GRIA2: variants seen among roughly 807,000 people sequenced by gnomAD.
GRIA2 encodes glutamate receptor 2.
In GRIA2, 14 loss-of-function variants were observed where a neutral mutation model predicts 97.3. That is an observed-to-expected ratio of 0.14 (90% CI 0.10 to 0.23). The LOEUF is 0.23. Ranked by LOEUF, GRIA2 falls within the 10% of genes least tolerant of loss-of-function variation. GRIA2 has a pLI of 1.00. For synonymous variants in GRIA2, 412 were observed against 387.8 expected (o/e 1.06, Z -0.73); for missense variants, 558 against 1,069.8 (o/e 0.52, Z 6.67).
intron 2 of GRIA2, among the ~76,000 whole-genome samples, chr4:157,271,245 C>T (rs980186975): frequency 4.0e-5 from 6 of 151,802 alleles, no homozygotes; most frequent in Admixed American, 6.6e-5. Flanking sequence ...AGGTAGGTGT[C>T]CTCCAATTTA....
At chr4:157,252,923 C>G (rs1053246113) in intron 2 of GRIA2, among the ~76,000 whole-genome samples, 1 of 151,720 alleles carries the variant, frequency 6.6e-6, no homozygotes, top group East Asian at 1.9e-4. Context: ...TTAAATCCAA[C>G]AAAGCAAAAT....
chr4:157,313,331 A>G (rs1403684486), intron 4 of GRIA2, among the ~76,000 whole-genome samples: 2 of 152,058 alleles, frequency 1.3e-5, no homozygotes, highest in Non-Finnish European at 2.9e-5. Flanking sequence ...TCTTTGCAAG[A>G]TATATTTTTT....
chr4:157,325,121 G>A (rs756074353), intron 6 of GRIA2, among the ~76,000 whole-genome samples: 13 of 152,060 alleles, frequency 8.5e-5, no homozygotes, highest in South Asian at 2.1e-4. Context: ...ATATCAAATC[G>A]TGGGAGTAAT....
chr4:157,276,351 C>T (rs1005551589), intron 2 of GRIA2, among the ~76,000 whole-genome samples: 1 of 151,934 alleles, frequency 6.6e-6, no homozygotes, highest in Non-Finnish European at 1.5e-5. Flanking sequence ...GAAAATGCAA[C>T]TAATCAAAAT....
intron 2 of GRIA2, among the ~76,000 whole-genome samples, chr4:157,275,740 G>A (rs1397366915): frequency 6.6e-6 from 1 of 151,960 alleles, no homozygotes; most frequent in Non-Finnish European, 1.5e-5. Flanking sequence ...CTCTCTTTTG[G>A]TACCAGTACC....
intron 12 of GRIA2, among the ~76,000 whole-genome samples, chr4:157,357,763 G>A (rs1736457575): frequency 6.6e-6 from 1 of 152,062 alleles, no homozygotes; most frequent in Non-Finnish European, 1.5e-5. Flanking sequence ...ATCAACAGCT[G>A]AGACGAAAGT....
rs1362832415 is a variant in GRIA2 at position 157,365,944 on chromosome 4, A to T, written c.*2513A>T. On this transcript the variant is annotated 3_prime_UTR_variant, in exon 16 of 16. Coordinates refer to ENST00000264426, the MANE Select transcript of GRIA2 (RefSeq NM_001083619.3). ...TATAACTTCTATTGAAGATATTGGA[A>T]TTTCCAATTTTTCATGTGTACTATG... 6.6e-6 allele frequency: 1 copy of T among 151,586 alleles called. No individual in the cohort carries two copies. Among genetic ancestry groups the T allele is most frequent in the Admixed American group, 6.6e-5 (1 of 15,156 alleles). The allele number at this position is 151,586 out of a possible 1,614,324, so 9.4% of individuals were successfully genotyped here.
chr4:157,303,056 AG>A (rs1326693073), intron 2 of GRIA2, among the ~76,000 whole-genome samples: 1 of 152,092 alleles, frequency 6.6e-6, no homozygotes, highest in Non-Finnish European at 1.5e-5. Flanking sequence ...TTTATCGGGG[AG>A]TCTGGTATCT....
intron 4 of GRIA2, among the ~76,000 whole-genome samples, chr4:157,317,048 T>C (rs1019776166): frequency 2.0e-5 from 3 of 152,248 alleles, no homozygotes; most frequent in Non-Finnish European, 2.9e-5. Flanking sequence ...TTAGCTTCTC[T>C]GATACTTTGC....
intron 6 of GRIA2, among the ~76,000 whole-genome samples, chr4:157,330,689 T>C (rs1735012250): frequency 6.6e-6 from 1 of 151,980 alleles, no homozygotes; most frequent in Non-Finnish European, 1.5e-5. Flanking sequence ...TAAGTCTCAA[T>C]AAATATACAT....
chr4:157,263,029 A>G (rs1273354308), intron 2 of GRIA2, among the ~76,000 whole-genome samples: 1 of 152,100 alleles, frequency 6.6e-6, no homozygotes, highest in Admixed American at 6.6e-5. Context: ...CATGCTTACT[A>G]AAAATATGAC....
chr4:157,332,109 C>A (rs940335788), intron 6 of GRIA2, among the ~76,000 whole-genome samples: 9 of 152,066 alleles, frequency 5.9e-5, no homozygotes, highest in Non-Finnish European at 1.5e-5. Flanking sequence ...CATACTACTA[C>A]TTATCTAGAC....
chr4:157,300,003 A>T (rs1048152933), intron 2 of GRIA2, among the ~76,000 whole-genome samples: 1 of 152,068 alleles, frequency 6.6e-6, no homozygotes, highest in African/African-American at 2.4e-5. Flanking sequence ...AGATGTGACT[A>T]TATAGGGTGT....
At chr4:157,259,210 A>G (rs1368043154) in intron 2 of GRIA2, among the ~76,000 whole-genome samples, 1 of 152,086 alleles carries the variant, frequency 6.6e-6, no homozygotes, top group Non-Finnish European at 1.5e-5. Flanking sequence ...CCTGGGAAAC[A>G]CAGTGAGACC....
chr4:157,314,145 C>T (rs1376669916), intron 4 of GRIA2, among the ~76,000 whole-genome samples: 1 of 152,042 alleles, frequency 6.6e-6, no homozygotes, highest in Non-Finnish European at 1.5e-5. Flanking sequence ...CCATGTTGTT[C>T]AAGGGGCAAT....
At chr4:157,306,291 A>G (rs1360509866) in intron 3 of GRIA2, among the ~76,000 whole-genome samples, 7 of 152,300 alleles carry the variant, frequency 4.6e-5, no homozygotes. Flanking sequence ...GTGTGTGAGG[A>G]GAGATACTCA....
chr4:157,266,759 G>A (rs1416435730), intron 2 of GRIA2, among the ~76,000 whole-genome samples: 1 of 152,070 alleles, frequency 6.6e-6, no homozygotes, highest in Admixed American at 6.6e-5. Context: ...AACAAGAGAA[G>A]GAATCAGTTA....
intron 12 of GRIA2, among the ~76,000 whole-genome samples, chr4:157,353,706 A>C (rs1350715340): frequency 6.6e-6 from 1 of 152,082 alleles, no homozygotes; most frequent in Non-Finnish European, 1.5e-5. Context: ...CAAACAAACA[A>C]AAAAACAAAA....
intron 2 of GRIA2, among the ~76,000 whole-genome samples, chr4:157,269,608 C>T (rs1336634037): frequency 6.6e-6 from 1 of 152,032 alleles, no homozygotes; most frequent in Non-Finnish European, 1.5e-5. Flanking sequence ...AGAGGCATGA[C>T]ATGAGCTTTC....
Sources: allele counts gnomAD v4.1 joint callset (sites outside exome capture counted in the v4.1 genomes callset), GRCh38; gene constraint gnomAD v4.1.1; transcripts MANE v1.5; gene names NCBI Gene and HGNC (gene_info 2026-07-23, HGNC 2026-07-21).